SLC35F1: variants seen among roughly 807,000 people sequenced by gnomAD.
The protein encoded by SLC35F1 is solute carrier family 35 member F1, also known as chromosome 6 open reading frame 169.
SLC35F1 carries 14 observed loss-of-function variants against 48.7 expected under a neutral mutation model. The observed-to-expected ratio is 0.29, with a 90% CI of 0.19 to 0.45. The LOEUF (loss-of-function observed/expected upper bound fraction) is 0.45, where lower values mean the gene tolerates loss of function less well. SLC35F1 is among the 20% of genes least tolerant of loss of function. SLC35F1 has a pLI of 1.00. For synonymous variants in SLC35F1, 190 were observed against 202.2 expected, an observed-to-expected ratio of 0.94 and a Z score of 0.51; for missense variants, 404 against 500.0, an observed-to-expected ratio of 0.81 and a Z score of 1.83.
At chr6:118,222,546 T>C (rs1775165325) in intron 2 of SLC35F1, among the ~76,000 whole-genome samples, 2 of 152,136 alleles carry the variant, frequency 1.3e-5, no homozygotes, top group South Asian at 4.1e-4. Flanking sequence ...TTTCCCCTCA[T>C]CTACCACCTA....
At chr6:117,943,893 G>A (rs1479933820) in intron 1 of SLC35F1, among the ~76,000 whole-genome samples, 6 of 152,086 alleles carry the variant, frequency 3.9e-5, no homozygotes, top group Non-Finnish European at 8.8e-5. Context: ...ACACATATAT[G>A]AATTAAAGAG....
intron 1 of SLC35F1, among the ~76,000 whole-genome samples, chr6:118,099,205 G>C (rs1331515932): frequency 3.3e-5 from 5 of 152,200 alleles, no homozygotes; most frequent in Non-Finnish European, 7.3e-5. Flanking sequence ...AACCTCACTT[G>C]CTGTGAAAAA....
chr6:118,118,956 T>A (rs1426076726), intron 1 of SLC35F1, among the ~76,000 whole-genome samples: 4 of 129,308 alleles, frequency 3.1e-5, no homozygotes, highest in Non-Finnish European at 6.7e-5. Context: ...TTTTTTTTTT[T>A]GCTACAGAGT....
intron 1 of SLC35F1, among the ~76,000 whole-genome samples, chr6:118,015,467 C>T (rs1777308432): frequency 6.6e-6 from 1 of 151,230 alleles, no homozygotes; most frequent in East Asian, 2.0e-4. Context: ...TCAAGTAGGC[C>T]CCAGTATCTG....
At chr6:118,167,751 T>C (rs1311424610) in intron 2 of SLC35F1, among the ~76,000 whole-genome samples, 1 of 152,258 alleles carries the variant, frequency 6.6e-6, no homozygotes, top group African/African-American at 2.4e-5. Flanking sequence ...TACACTAAAC[T>C]TACTTAAAAA....
At chr6:118,004,694 T>G (rs868507596) in intron 1 of SLC35F1, among the ~76,000 whole-genome samples, 65 of 152,292 alleles carry the variant, frequency 4.3e-4, no homozygotes, top group African/African-American at 1.5e-3. Context: ...CCTGAGTAGC[T>G]GAGACTACAG....
At chr6:118,225,215 G>A (rs1775199754) in intron 2 of SLC35F1, among the ~76,000 whole-genome samples, 1 of 152,078 alleles carries the variant, frequency 6.6e-6, no homozygotes, top group African/African-American at 2.4e-5. Flanking sequence ...AAAGCTAGAG[G>A]CATCACACTA....
chr6:118,195,537 AG>A (rs1774789471), intron 2 of SLC35F1, among the ~76,000 whole-genome samples: 1 of 152,148 alleles, frequency 6.6e-6, no homozygotes. Flanking sequence ...GCACAAGAAA[AG>A]TGAAATGAAG....
In SLC35F1 at chr6:117,941,475, A is replaced by C. The variant is rs113842869; in HGVS notation, c.173+33576A>C. 7.2e-3 allele frequency among the ~76,000 whole-genome samples: 1,092 copies of C among 152,338 alleles called. 15 individuals carry two copies. Among genetic ancestry groups the C allele is most frequent in the African/African-American group, 0.025 (1,039 of 41,576 alleles). On this transcript the variant is annotated intron_variant, in intron 1 of 7. Transcript: ENST00000360388. ...AACTATGAAGCCAAAGCCATTCAGT[A>C]ACAATAGCAAAACCAATAGCAAATA...
chr6:118,238,759 C>T (rs1775399635), intron 3 of SLC35F1, among the ~76,000 whole-genome samples: 1 of 152,080 alleles, frequency 6.6e-6, no homozygotes, highest in African/African-American at 2.4e-5. Context: ...CTGATTAGGC[C>T]ACACTAATGG....
chr6:118,255,760 CA>C (rs1451253296), intron 3 of SLC35F1, among the ~76,000 whole-genome samples: 2 of 151,762 alleles, frequency 1.3e-5, no homozygotes, highest in Non-Finnish European at 2.9e-5. Flanking sequence ...TTTCTAAATC[CA>C]AAAAAATAGG....
intron 1 of SLC35F1, among the ~76,000 whole-genome samples, chr6:118,123,706 T>C (rs1773585746): frequency 6.6e-6 from 1 of 152,170 alleles, no homozygotes; most frequent in Non-Finnish European, 1.5e-5. Context: ...TGAGCTCCTA[T>C]CTCTTGTCAA....
chr6:117,996,709 G>T (rs1390437697), intron 1 of SLC35F1, among the ~76,000 whole-genome samples: 1 of 152,204 alleles, frequency 6.6e-6, no homozygotes, highest in Non-Finnish European at 1.5e-5. Flanking sequence ...CAACAGACCT[G>T]CAGCTGAGGG....
chr6:117,939,567 A>G (rs970375562), intron 1 of SLC35F1, among the ~76,000 whole-genome samples: 2 of 152,184 alleles, frequency 1.3e-5, no homozygotes, highest in Non-Finnish European at 2.9e-5. Flanking sequence ...TTACTAAAAA[A>G]TTTCAGAGTC....
At chr6:118,029,952 G>T (rs1311076309) in intron 1 of SLC35F1, among the ~76,000 whole-genome samples, 1 of 152,166 alleles carries the variant, frequency 6.6e-6, no homozygotes, top group Non-Finnish European at 1.5e-5. Flanking sequence ...AACAAGGGAA[G>T]AGAGAAGTAA....
At chr6:118,251,316 T>C (rs1382396558) in intron 3 of SLC35F1, among the ~76,000 whole-genome samples, 2 of 152,094 alleles carry the variant, frequency 1.3e-5, no homozygotes, top group Admixed American at 6.5e-5. Context: ...GTGTTTTGTG[T>C]GTTTTTTAAA....
intron 3 of SLC35F1, among the ~76,000 whole-genome samples, chr6:118,247,673 C>A (rs1775525861): frequency 3.4e-5 from 5 of 147,698 alleles, no homozygotes; most frequent in African/African-American, 1.3e-4. Context: ...AAGAGTGAAA[C>A]ACTTCTGTAG....
intron 1 of SLC35F1, among the ~76,000 whole-genome samples, chr6:118,003,265 T>C (rs1406611804): frequency 6.6e-6 from 1 of 152,242 alleles, no homozygotes; most frequent in African/African-American, 2.4e-5. Flanking sequence ...TAGGACTGTC[T>C]GAAGAGGTTA....
chr6:118,020,329 G>T (rs941022297), intron 1 of SLC35F1, among the ~76,000 whole-genome samples: 1 of 152,152 alleles, frequency 6.6e-6, no homozygotes, highest in Non-Finnish European at 1.5e-5. Context: ...ATACTGTGCT[G>T]TACTTATTAT....
Sources: gnomAD v4.1 joint callset for allele counts (sites outside exome capture counted in the v4.1 genomes callset) on GRCh38, gnomAD v4.1.1 for gene constraint, MANE v1.5 for transcripts, NCBI Gene and HGNC (gene_info 2026-07-23, HGNC 2026-07-21) for gene names.